Variants in EPB41L5 observed in about 807,000 individuals in gnomAD.
The protein encoded by EPB41L5 is band 4.1-like protein 5.
In EPB41L5, 55 loss-of-function variants were observed where a neutral mutation model predicts 106.6. The ratio of observed to expected loss-of-function variants is 0.52; its 90% CI spans 0.42 to 0.65. The LOEUF is 0.65. EPB41L5 is among the 30% of genes least tolerant of loss of function. EPB41L5 has a pLI of 0.00. For synonymous variants in EPB41L5, 297 were observed against 306.7 expected (o/e 0.97, Z 0.33); for missense variants, 871 against 882.1 (o/e 0.99, Z 0.16).
chr2:120,154,980 G>T (rs1686840776), intron 20 of EPB41L5, among the ~76,000 whole-genome samples: 1 of 152,110 alleles, frequency 6.6e-6, no homozygotes. Flanking sequence ...AAGTTAATTT[G>T]TAATTGTTTT....
chr2:120,108,881 T>C (rs931302818), intron 16 of EPB41L5, among the ~76,000 whole-genome samples: 3 of 152,208 alleles, frequency 2.0e-5, no homozygotes, highest in Middle Eastern at 3.2e-3. Context: ...ATCCAGGTTA[T>C]CACTTTGAAA....
chr2:120,169,183 T>C (rs1316421112), intron 24 of EPB41L5, among the ~76,000 whole-genome samples: 2 of 152,098 alleles, frequency 1.3e-5, no homozygotes, highest in African/African-American at 2.4e-5. Context: ...AACAAACTCA[T>C]ATGTAATACA....
At chr2:120,029,631 G>C (rs914518959) in intron 2 of EPB41L5, among the ~76,000 whole-genome samples, 10 of 152,144 alleles carry the variant, frequency 6.6e-5, no homozygotes, top group African/African-American at 2.4e-4. Context: ...CTTCTCTTTA[G>C]GCTAAATCCT....
intron 16 of EPB41L5, among the ~76,000 whole-genome samples, chr2:120,113,467 A>G (rs546334410): frequency 2.0e-5 from 3 of 152,232 alleles, no homozygotes; most frequent in African/African-American, 4.8e-5. Context: ...TTCTTTATAC[A>G]TTCTTGAGAG....
At chr2:120,151,979 A>G (rs1029683680) in intron 20 of EPB41L5, among the ~76,000 whole-genome samples, 2 of 152,130 alleles carry the variant, frequency 1.3e-5, no homozygotes, top group Non-Finnish European at 2.9e-5. Context: ...GAATAGCGAT[A>G]GTTTTACTTC....
At chr2:120,149,017 A>G (rs1336951805) in intron 20 of EPB41L5, among the ~76,000 whole-genome samples, 1 of 152,158 alleles carries the variant, frequency 6.6e-6, no homozygotes, top group Non-Finnish European at 1.5e-5. Context: ...CGTGTCATTG[A>G]CAGTGCTTAT....
chr2:120,126,673 T>G (rs1351633786), intron 16 of EPB41L5, among the ~76,000 whole-genome samples: 1 of 152,220 alleles, frequency 6.6e-6, no homozygotes, highest in Non-Finnish European at 1.5e-5. Flanking sequence ...TGTGCCAGTA[T>G]CAGCCTGTCT....
intron 16 of EPB41L5, among the ~76,000 whole-genome samples, chr2:120,101,841 T>C (rs570847883): frequency 3.4e-4 from 52 of 152,348 alleles, no homozygotes; most frequent in South Asian, 8.3e-4. Flanking sequence ...TTGAGTTCCC[T>C]TCTCCCCTGG....
chr2:120,048,216 A>G (rs973925368), intron 3 of EPB41L5, among the ~76,000 whole-genome samples: 5 of 152,202 alleles, frequency 3.3e-5, no homozygotes, highest in Admixed American at 6.5e-5. Context: ...GTCAATTGGA[A>G]TAGTTTCAGA....
Position 120,177,423 on chromosome 2 carries a change from G to A in EPB41L5, c.*2516G>A, listed in dbSNP as rs1687958862. ...ACGGTGGGGTGGCGGGGAGCAGATA[G>A]TGCTGCCTCCCTGCGGGCAGACAGG... On this transcript the variant is annotated 3_prime_UTR_variant, in exon 25 of 25. Transcript: ENST00000263713. The A allele has an allele frequency of 6.6e-6, 1 of 152,368 alleles. No homozygotes were observed. Among genetic ancestry groups the A allele is most frequent in the African/African-American group, 2.4e-5 (1 of 41,452 alleles). 9.4% of individuals were successfully genotyped at this position (152,368 alleles called of 1,614,324 possible). A position where few individuals can be genotyped will look rare whatever the true frequency, so the allele number is the denominator to read the frequency against.
chr2:120,077,443 T>C (rs1412567289), intron 9 of EPB41L5, 127 bp downstream of exon 9: 5 of 588,516 alleles, frequency 8.5e-6, no homozygotes, highest in Non-Finnish European at 1.4e-5. Context: ...TTTGGATGTA[T>C]GGTTAAAAAG....
Position 120,019,262 on chromosome 2 carries a change from C to A in EPB41L5, c.178C>A (p.Pro60Thr), listed in dbSNP as rs1454019618. The change falls in exon 2 of 25, where the codon CCA becomes ACA. Residue 60 changes from proline (P) to threonine (T), a missense_variant and splice_region_variant. Physicochemically the swap from Pro to Thr is conservative, Grantham distance 38 (BLOSUM62 -1). Coordinates refer to ENST00000263713, the MANE Select transcript of EPB41L5 (RefSeq NM_020909.4). ...TGGTACTGATGTTAGTGTGGACTTG[C>A]CAGTAAGTAGGTCTTGCTGAGCTCC... is the stretch of plus-strand genomic sequence containing the variant. ...LDGTDVSVDL[P>T]KKAKGQELFD... The A allele has an allele frequency of 6.2e-7, 1 of 1,604,936 alleles. No individual in the cohort carries two copies. The highest frequency in any genetic ancestry group is 8.5e-7 in the Non-Finnish European group (1 of 1,177,032).
chr2:120,122,151 T>C (rs1243074753), intron 16 of EPB41L5, among the ~76,000 whole-genome samples: 2 of 152,248 alleles, frequency 1.3e-5, no homozygotes, highest in Non-Finnish European at 2.9e-5. Flanking sequence ...TGGTAGTTTC[T>C]TTTGCCATGC....
chr2:120,030,414 A>G (rs577813460), intron 2 of EPB41L5, among the ~76,000 whole-genome samples: 2 of 152,308 alleles, frequency 1.3e-5, no homozygotes, highest in East Asian at 3.9e-4. Flanking sequence ...GATCACCCAG[A>G]TCGGTAATCT....
chr2:120,079,791 T>G (rs1266900666), intron 10 of EPB41L5, among the ~76,000 whole-genome samples: 1 of 152,180 alleles, frequency 6.6e-6, no homozygotes, highest in Non-Finnish European at 1.5e-5. Context: ...TATCAAGGGT[T>G]ACATTAAATG....
chr2:120,125,022 A>G (rs775797211), intron 16 of EPB41L5, among the ~76,000 whole-genome samples: 17 of 152,194 alleles, frequency 1.1e-4, no homozygotes, highest in Non-Finnish European at 2.4e-4. Context: ...TTTACTCTGT[A>G]GTTTTAGCAT....
chr2:120,123,577 A>G (rs1000860680), intron 16 of EPB41L5, among the ~76,000 whole-genome samples: 1 of 150,148 alleles, frequency 6.7e-6, no homozygotes, highest in Non-Finnish European at 1.5e-5. Flanking sequence ...TAATTTAACA[A>G]TTTCCCCTTT....
Position 120,171,414 on chromosome 2 carries a change from G to T in EPB41L5, c.2135+3407G>T, listed in dbSNP as rs541242503. On this transcript the variant is annotated intron_variant, in intron 24 of 24. Transcript: ENST00000263713. ...ACTCATCTGCCATCCCACTACCCTTGCCCATTTTAGCATAATTCTGAAGTT... is the reference window on the plus strand; with the variant it reads ...ACTCATCTGCCATCCCACTACCCTTTCCCATTTTAGCATAATTCTGAAGTT... 2.0e-5 allele frequency among the ~76,000 whole-genome samples: 3 copies of T among 152,286 alleles called. No individual in the cohort carries two copies. In the East Asian group the frequency reaches 5.8e-4, roughly 29 times the overall value.
At chr2:120,109,158 G>A (rs1181304167) in intron 16 of EPB41L5, among the ~76,000 whole-genome samples, 1 of 152,010 alleles carries the variant, frequency 6.6e-6, no homozygotes, top group East Asian at 1.9e-4. Flanking sequence ...TCTTCCTGTT[G>A]TATGCATCTG....
Sources: gnomAD v4.1 joint callset for allele counts (sites outside exome capture counted in the v4.1 genomes callset) on GRCh38, gnomAD v4.1.1 for gene constraint, MANE v1.5 for transcripts, NCBI Gene and HGNC (gene_info 2026-07-23, HGNC 2026-07-21) for gene names.